Variants in UGT1A9 observed in about 807,000 individuals in gnomAD.
The protein encoded by UGT1A9 is UDP-glucuronosyltransferase 1A9.
A neutral mutation model predicts 45.0 loss-of-function variants in UGT1A9; 35 were observed. The observed-to-expected ratio is 0.78, with a 90% confidence interval of 0.59 to 1.03. UGT1A9 has a LOEUF of 1.03. Ranked by LOEUF, UGT1A9 falls within the 50% of genes least tolerant of loss-of-function variation. The probability of loss-of-function intolerance (pLI) is 0.00; values close to 1 mark genes in which losing one functional copy is unlikely to be tolerated. For synonymous variants in UGT1A9, 278 were observed against 250.6 expected (o/e 1.11, Z -1.03); for missense variants, 687 against 666.6 (o/e 1.03, Z -0.34).
At chr2:233,756,295 GTA>G (rs1308500141) in intron 1 of UGT1A9, 2 of 152,134 alleles carry the variant, frequency 1.3e-5, no homozygotes, top group Non-Finnish European at 2.9e-5. Context: ...CACAGTATTT[GTA>G]TATAACCTAC....
In UGT1A9 at chr2:233,772,491, T is replaced by C; in HGVS notation, c.1525T>C (p.Tyr509His). The C allele has an allele frequency of 6.2e-7, 1 of 1,614,160 alleles. No homozygotes were observed. Among genetic ancestry groups the C allele is most frequent in the South Asian group, 1.1e-5 (1 of 91,082 alleles). Reference sequence around the variant, plus strand: ...CTTCATCACCTTTAAATGTTGTGCTTATGGCTACCGGAAATGCTTGGGGAA... The same window carrying C: ...CTTCATCACCTTTAAATGTTGTGCTCATGGCTACCGGAAATGCTTGGGGAA... ...VAFITFKCCA[Y>H]GYRKCLGKKG... Residue 509 changes from tyrosine to histidine, a missense_variant, in exon 5 of 5, where the codon TAT becomes CAT. Physicochemically the swap from Tyr to His is moderately conservative, Grantham distance 83 (BLOSUM62 2). Coordinates refer to ENST00000354728, the MANE Select transcript of UGT1A9 (RefSeq NM_021027.3).
At position 233,769,460 on chromosome 2, in the gene UGT1A9, TATGC is replaced by T. The variant is rs1219729658; in HGVS notation, c.1295+1022_1295+1025del. ...GTGTGGGTGCACACGTGTGCATTCA[TATGC>T]GTGTGTGTGTGTGTGCGTGTGTTTA... On this transcript the variant is annotated intron_variant, in intron 4 of 4. Coordinates refer to ENST00000354728, the MANE Select transcript of UGT1A9 (RefSeq NM_021027.3). The surrounding 1 kb of genome is among the most constrained non-coding windows in gnomAD (Gnocchi z 4.4). 1.1e-5 allele frequency: 17 copies of T among 1,601,706 alleles called. No homozygotes were observed. Among genetic ancestry groups the T allele is most frequent in the Non-Finnish European group, 1.3e-5 (15 of 1,170,686 alleles).
At chr2:233,692,661 G>A (rs922876632) in intron 1 of UGT1A9, among the ~76,000 whole-genome samples, 2 of 152,176 alleles carry the variant, frequency 1.3e-5, no homozygotes, top group Admixed American at 6.5e-5. Flanking sequence ...CAGCAAGTTC[G>A]GGATAGAGAA....
At position 233,672,022 on chromosome 2, in the gene UGT1A9, G is replaced by A. The variant is rs2074207279; in HGVS notation, c.88G>A (p.Val30Ile). The change falls in exon 1 of 5, where the codon GTA becomes ATA. Residue 30 changes from valine to isoleucine, a missense_variant. Coordinates refer to ENST00000354728, the MANE Select transcript of UGT1A9 (RefSeq NM_021027.3). ...CTTTGCCGAGGCAGGGAAGCTACTGGTAGTGCCCATGGATGGGAGCCACTG... is the reference window on the plus strand; with the variant it reads ...CTTTGCCGAGGCAGGGAAGCTACTGATAGTGCCCATGGATGGGAGCCACTG... ...CGFAEAGKLL[V>I]VPMDGSHWFT... 5.0e-6 allele frequency: 8 copies of A among 1,614,042 alleles called. No individual in the cohort carries two copies. In the Admixed American group the frequency reaches 8.3e-5, roughly 17 times the overall value.
intron 1 of UGT1A9, chr2:233,713,964 C>T (rs2076358616): frequency 1.9e-6 from 3 of 1,604,778 alleles, no homozygotes; most frequent in Non-Finnish European, 2.6e-6. Flanking sequence ...CCAAAGATTT[C>T]ATTTCTGCTT....
chr2:233,695,117 AC>A (rs1286119595), intron 1 of UGT1A9, among the ~76,000 whole-genome samples: 2 of 117,164 alleles, frequency 1.7e-5, no homozygotes, highest in African/African-American at 6.7e-5. Context: ...CCATTAACCA[AC>A]CCTTTTCTTT....
At chr2:233,725,145 C>G (rs1322618816) in intron 1 of UGT1A9, among the ~76,000 whole-genome samples, 10 of 128,172 alleles carry the variant, frequency 7.8e-5, no homozygotes, top group African/African-American at 3.4e-4. Context: ...CAGTACAGTC[C>G]AGCTTCGGCT....
chr2:233,693,020 C>A lies in UGT1A9; in HGVS notation c.855+20231C>A, dbSNP rs546429827. ...TCTTTCCAGGATGGCCTGCCTCCTT[C>A]GCTCATTTCAGAGAATTTCTGCAGG... On this transcript the variant is annotated intron_variant, in intron 1 of 4. Transcript: ENST00000354728. 8 of 1,614,146 alleles carry A rather than the reference C, an allele frequency of 5.0e-6. No individual in the cohort carries two copies. The South Asian group carries it at 7.7e-5, about 16-fold the overall frequency.
intron 1 of UGT1A9, among the ~76,000 whole-genome samples, chr2:233,762,377 A>T (rs182919265): frequency 5.6e-4 from 86 of 152,370 alleles, no homozygotes; most frequent in African/African-American, 2.0e-3. Context: ...ACCAATATGT[A>T]TATAGAAACA....
intron 1 of UGT1A9, among the ~76,000 whole-genome samples, chr2:233,757,427 A>G (rs934083320): frequency 5.3e-5 from 8 of 151,486 alleles, no homozygotes; most frequent in South Asian, 2.1e-4. Context: ...AAAGAGAAGA[A>G]AAGTCACTTC....
chr2:233,767,929 T>C lies in UGT1A9; in HGVS notation c.1068T>C (p.Asp356=). 3.1e-6 allele frequency: 5 copies of C among 1,614,196 alleles called. No individual in the cohort carries two copies. Among genetic ancestry groups the C allele is most frequent in the Non-Finnish European group, 3.4e-6 (4 of 1,180,048 alleles). ...TILVKWLPQN[D]LLGHPMTRAF... is the part of the protein sequence containing the mutation. ...TTGTTAAGTGGCTACCCCAAAACGATCTGCTTGGTATGTTGGGCGGATTGG... is the reference window on the plus strand; with the variant it reads ...TTGTTAAGTGGCTACCCCAAAACGACCTGCTTGGTATGTTGGGCGGATTGG... Residue 356 remains aspartate, a synonymous_variant, in exon 3 of 5, where the codon GAT becomes GAC. Transcript: ENST00000354728.
At chr2:233,724,359 C>G (rs1387977005) in intron 1 of UGT1A9, among the ~76,000 whole-genome samples, 2 of 146,918 alleles carry the variant, frequency 1.4e-5, no homozygotes, top group South Asian at 4.6e-4. Flanking sequence ...ACCTCCCTCC[C>G]GGACGGGGTG....
At chr2:233,732,952 T>C (rs1235178587) in intron 1 of UGT1A9, among the ~76,000 whole-genome samples, 1 of 152,176 alleles carries the variant, frequency 6.6e-6, no homozygotes, top group East Asian at 1.9e-4. Flanking sequence ...GCATGGAATG[T>C]TCTTCCATTT....
intron 1 of UGT1A9, among the ~76,000 whole-genome samples, chr2:233,689,513 T>A (rs373706138): frequency 6.6e-6 from 1 of 152,208 alleles, no homozygotes; most frequent in East Asian, 1.9e-4. Flanking sequence ...GGTTACACAT[T>A]GGTTTGGTCA....
chr2:233,724,319 G>A (rs1167591289), intron 1 of UGT1A9, among the ~76,000 whole-genome samples: 25 of 143,274 alleles, frequency 1.7e-4, no homozygotes, highest in African/African-American at 3.9e-4. Context: ...CGGACGGGGC[G>A]GCTGGCCAGG....
intron 1 of UGT1A9, chr2:233,719,291 T>C (rs2011404): frequency 0.85 from 1,366,998 of 1,613,952 alleles, 580,228 homozygotes; most frequent in East Asian, 0.99. Flanking sequence ...TTAACCTCTG[T>C]GGGGCGGTGC....
At chr2:233,713,320 T>C (rs778430084) in intron 1 of UGT1A9, 1 of 1,614,228 alleles carries the variant, frequency 6.2e-7, no homozygotes, top group Admixed American at 1.7e-5. Context: ...CTGATGAAAT[T>C]TTCTAGAAGA....
intron 1 of UGT1A9, among the ~76,000 whole-genome samples, chr2:233,705,485 G>A (rs1165724639): frequency 6.6e-6 from 1 of 152,156 alleles, no homozygotes; most frequent in Non-Finnish European, 1.5e-5. Context: ...CAAATTTAAT[G>A]ATAATAAATA....
At chr2:233,770,026 C>T (rs371960443) in intron 4 of UGT1A9, 2 of 158,948 alleles carry the variant, frequency 1.3e-5, no homozygotes, top group South Asian at 1.9e-4. Flanking sequence ...TTTCCCTGCA[C>T]TGTTGAAGCT....
Sources: allele counts gnomAD v4.1 joint callset (sites outside exome capture counted in the v4.1 genomes callset), GRCh38; gene constraint gnomAD v4.1.1; non-coding constraint Gnocchi (gnomAD v3.1); transcripts MANE v1.5; gene names NCBI Gene and HGNC (gene_info 2026-07-23, HGNC 2026-07-21).